Variants in CTNNBL1 observed in about 807,000 individuals in gnomAD.
The protein encoded by CTNNBL1 is catenin beta like 1.
In CTNNBL1, 31 loss-of-function variants were observed where a neutral mutation model predicts 72.7. The observed-to-expected ratio is 0.43, with a 90% CI of 0.32 to 0.58. The LOEUF is 0.58. Among genes scored for constraint, CTNNBL1 ranks in the 20% least tolerant of loss-of-function variants. The pLI is 0.08. For synonymous variants in CTNNBL1, 240 were observed against 267.3 expected, an observed-to-expected ratio of 0.90 and a Z score of 1.00; for missense variants, 534 against 725.1, an observed-to-expected ratio of 0.74 and a Z score of 3.03.
rs144371591 is a variant in CTNNBL1, at chr20:37,829,290, G to C, written c.1214-10812G>C. On this transcript the variant is annotated intron_variant, in intron 11 of 15. Transcript: ENST00000361383. The stretch of plus-strand genomic sequence containing the variant: ...TGGCCTTGAATTTTAAAGTGGCCCT[G>C]CAAGATCTTGCCAAGATATGGGCCT... 3.5e-3 allele frequency among the ~76,000 whole-genome samples: 528 copies of C among 152,310 alleles called. 4 individuals are homozygous for C. Among genetic ancestry groups the C allele is most frequent in the African/African-American group, 0.012 (519 of 41,554 alleles).
chr20:37,712,755 A>T (rs781007269), intron 1 of CTNNBL1, among the ~76,000 whole-genome samples: 1 of 152,188 alleles, frequency 6.6e-6, no homozygotes, highest in African/African-American at 2.4e-5. Context: ...GTTGGCAGGG[A>T]CTTTTTCTCC....
intron 11 of CTNNBL1, among the ~76,000 whole-genome samples, chr20:37,815,714 G>C (rs757617720): frequency 4.4e-4 from 67 of 152,246 alleles, no homozygotes; most frequent in Non-Finnish European, 8.2e-4. Context: ...GGTTCATTTG[G>C]GTTATAGCAT....
chr20:37,726,333 G>A (rs2073084660), intron 1 of CTNNBL1, among the ~76,000 whole-genome samples: 1 of 152,090 alleles, frequency 6.6e-6, no homozygotes, highest in Non-Finnish European at 1.5e-5. Context: ...TAGTAGCTTT[G>A]TTTACTTATT....
chr20:37,828,586 G>T (rs140766067), intron 11 of CTNNBL1, among the ~76,000 whole-genome samples: 1 of 152,320 alleles, frequency 6.6e-6, no homozygotes, highest in African/African-American at 2.4e-5. Flanking sequence ...ATTGTTGTGA[G>T]AATTAAATGA....
At chr20:37,773,548 G>A (rs1388215338) in intron 7 of CTNNBL1, among the ~76,000 whole-genome samples, 1 of 152,192 alleles carries the variant, frequency 6.6e-6, no homozygotes, top group Non-Finnish European at 1.5e-5. Context: ...CAAAATCCAA[G>A]AGACTATACC....
intron 10 of CTNNBL1, among the ~76,000 whole-genome samples, chr20:37,787,985 A>G (rs532582195): frequency 3.3e-5 from 5 of 152,132 alleles, no homozygotes; most frequent in African/African-American, 1.2e-4. Flanking sequence ...CTTTCTGCAC[A>G]TTTACATTCC....
intron 13 of CTNNBL1, among the ~76,000 whole-genome samples, chr20:37,854,650 G>A (rs558027308): frequency 4.0e-5 from 6 of 151,132 alleles, no homozygotes; most frequent in South Asian, 2.1e-4. Context: ...GTGCAGTGGC[G>A]TGATCTTGGC....
At chr20:37,798,660 G>T (rs991194735) in intron 10 of CTNNBL1, among the ~76,000 whole-genome samples, 1 of 152,040 alleles carries the variant, frequency 6.6e-6, no homozygotes, top group Admixed American at 6.6e-5. Flanking sequence ...CCTCAAGAAG[G>T]ATTTTACTTT....
chr20:37,812,935 C>T (rs535282631), intron 11 of CTNNBL1, among the ~76,000 whole-genome samples: 1 of 151,986 alleles, frequency 6.6e-6, no homozygotes, highest in African/African-American at 2.4e-5. Context: ...AACAGCCCCC[C>T]CCAGGAATGT....
At chr20:37,860,180 T>G in intron 14 of CTNNBL1, 92 bp from the exon 15 acceptor site, 1 of 1,461,966 alleles carries the variant, frequency 6.8e-7, no homozygotes, top group Non-Finnish European at 9.6e-7. Context: ...GTTTCAGGGA[T>G]GGGGTGAAGT....
intron 15 of CTNNBL1, among the ~76,000 whole-genome samples, chr20:37,871,292 T>C (rs2072582282): frequency 6.6e-6 from 1 of 152,178 alleles, no homozygotes. Flanking sequence ...CTGGTGTCTG[T>C]CTTAGTCTGT....
At chr20:37,794,239 AC>A (rs139342009) in intron 10 of CTNNBL1, among the ~76,000 whole-genome samples, 27 of 152,040 alleles carry the variant, frequency 1.8e-4, no homozygotes, top group Non-Finnish European at 2.4e-4. Context: ...ACTTCCTTTA[AC>A]ATCTCTGGTA....
chr20:37,860,393 C>G (rs759972679), intron 15 of CTNNBL1, 49 bp downstream of exon 15: 2 of 1,414,076 alleles, frequency 1.4e-6, no homozygotes, highest in Admixed American at 1.7e-5. Context: ...TTAGATGATG[C>G]TTACTTTCTG....
chr20:37,717,616 T>C (rs973544452), intron 1 of CTNNBL1, among the ~76,000 whole-genome samples: 2 of 144,870 alleles, frequency 1.4e-5, no homozygotes, highest in African/African-American at 5.0e-5. Context: ...TTTTCTTTTC[T>C]TTTTTTTTTT....
intron 1 of CTNNBL1, among the ~76,000 whole-genome samples, chr20:37,706,448 C>A (rs1009693073): frequency 6.6e-6 from 1 of 152,232 alleles, no homozygotes; most frequent in Non-Finnish European, 1.5e-5. Flanking sequence ...TCCACAGCAT[C>A]TTCACTAGGA....
At chr20:37,765,044 T>C (rs1229624746) in intron 5 of CTNNBL1, among the ~76,000 whole-genome samples, 153 bp from the exon 6 acceptor site, 1 of 152,196 alleles carries the variant, frequency 6.6e-6, no homozygotes, top group African/African-American at 2.4e-5. Flanking sequence ...TTAAAAGAGA[T>C]AATGGGATGG....
chr20:37,732,377 A>G (rs1162415313), intron 1 of CTNNBL1, among the ~76,000 whole-genome samples: 1 of 152,216 alleles, frequency 6.6e-6, no homozygotes, highest in Non-Finnish European at 1.5e-5. Flanking sequence ...TCTTACGTAG[A>G]TGTGAATTAA....
At chr20:37,773,908 T>C (rs2073549326) in intron 7 of CTNNBL1, among the ~76,000 whole-genome samples, 1 of 139,132 alleles carries the variant, frequency 7.2e-6, no homozygotes, top group Non-Finnish European at 1.5e-5. Context: ...TTTCTTTCTC[T>C]CTTTTTTTTT....
At chr20:37,695,709 A>C (rs1157435690) in intron 1 of CTNNBL1, among the ~76,000 whole-genome samples, 1 of 152,226 alleles carries the variant, frequency 6.6e-6, no homozygotes, top group Non-Finnish European at 1.5e-5. Flanking sequence ...AACCTTGAAC[A>C]AAATACTTAA....
Sources: gnomAD v4.1 joint callset for allele counts (sites outside exome capture counted in the v4.1 genomes callset) on GRCh38, gnomAD v4.1.1 for gene constraint, MANE v1.5 for transcripts, NCBI Gene and HGNC (gene_info 2026-07-23, HGNC 2026-07-21) for gene names.